Variants in SLC24A2 observed in about 807,000 individuals in gnomAD.
SLC24A2 encodes the protein solute carrier family 24 member 2, also known as sodium/potassium/calcium exchanger 2.
A neutral mutation model predicts 62.0 loss-of-function variants in SLC24A2; 36 were observed. The observed-to-expected ratio is 0.58, with a 90% CI of 0.44 to 0.77. The LOEUF (loss-of-function observed/expected upper bound fraction) is 0.77. Among genes scored for constraint, SLC24A2 ranks in the 30% least tolerant of loss-of-function variants. The pLI is 0.00. For missense variants in SLC24A2, 846 were observed against 817.9 expected, an observed-to-expected ratio of 1.03 and a Z score of -0.42; for synonymous variants, 358 against 294.0, an observed-to-expected ratio of 1.22 and a Z score of -2.23.
At chr9:19,736,491 T>C (rs999398) in intron 2 of SLC24A2, among the ~76,000 whole-genome samples, 106,138 of 151,954 alleles carry the variant, frequency 0.7, 37,339 homozygotes, top group East Asian at 0.83. Context: ...AGAAGTCTGG[T>C]TTAGCAATAC....
chr9:19,555,929 G>C (rs1835067254), intron 7 of SLC24A2, among the ~76,000 whole-genome samples: 1 of 152,128 alleles, frequency 6.6e-6, no homozygotes, highest in African/African-American at 2.4e-5. Flanking sequence ...TGGCAACACA[G>C]ACTCCATCTT....
the SLC24A2 span, among the ~76,000 whole-genome samples, chr9:19,847,601 A>G: frequency 1.3e-5 from 2 of 152,210 alleles, no homozygotes; most frequent in Non-Finnish European, 2.9e-5. Context: ...TAATAAATGC[A>G]TTACCAATAA....
Position 19,752,557 on chromosome 9 carries a change from G to A in SLC24A2, c.930+33380C>T, listed in dbSNP as rs570466392. ...GACCCTGGCCCAGCCCCTTGGGAGC[G>A]CCATCACACTTGGAAAACTCCTTAA... On this transcript the variant is annotated intron_variant, in intron 2 of 10. Transcript: ENST00000341998. Among the ~76,000 whole-genome samples, 10 of 106,736 alleles carry A rather than the reference G, an allele frequency of 9.4e-5. No homozygotes were observed. In the South Asian group the frequency reaches 2.7e-3, roughly 29 times the overall value. 70.0% of individuals were successfully genotyped at this position (106,736 alleles called of 152,430 possible). A position where few individuals can be genotyped will look rare whatever the true frequency, so the allele number is the denominator to read the frequency against.
the SLC24A2 span, among the ~76,000 whole-genome samples, chr9:20,115,758 T>C: frequency 6.6e-6 from 1 of 152,304 alleles, no homozygotes; most frequent in South Asian, 2.1e-4. Flanking sequence ...TTTTCTCCTG[T>C]TCCTGGATCA....
the SLC24A2 span, among the ~76,000 whole-genome samples, chr9:20,059,745 A>G: frequency 3.3e-5 from 5 of 152,110 alleles, no homozygotes; most frequent in African/African-American, 1.2e-4. Flanking sequence ...ACCTTAAAGA[A>G]CTAGAAGAAG....
chr9:19,669,472 C>A (rs531792092), intron 2 of SLC24A2, among the ~76,000 whole-genome samples: 2 of 152,312 alleles, frequency 1.3e-5, no homozygotes, highest in African/African-American at 4.8e-5. Flanking sequence ...CAATAAATAA[C>A]CACAAACTTA....
the SLC24A2 span, among the ~76,000 whole-genome samples, chr9:19,895,054 T>C: frequency 6.6e-6 from 1 of 152,206 alleles, no homozygotes; most frequent in Non-Finnish European, 1.5e-5. Context: ...GGTAAATTCA[T>C]AGTTATTTTA....
At chr9:19,534,935 C>G (rs1420150792) in intron 8 of SLC24A2, among the ~76,000 whole-genome samples, 1 of 152,202 alleles carries the variant, frequency 6.6e-6, no homozygotes, top group South Asian at 2.1e-4. Context: ...AATTGCCACA[C>G]TGTCTTCCAC....
At chr9:19,826,451 C>G in the SLC24A2 span, among the ~76,000 whole-genome samples, 2 of 152,018 alleles carry the variant, frequency 1.3e-5, no homozygotes. Context: ...TTGATTCATG[C>G]TGCCACAAAA....
the SLC24A2 span, among the ~76,000 whole-genome samples, chr9:19,845,947 A>G: frequency 6.6e-6 from 1 of 151,680 alleles, no homozygotes; most frequent in Non-Finnish European, 1.5e-5. Flanking sequence ...CTGTGGCCTG[A>G]GAATATGTTT....
the SLC24A2 span, among the ~76,000 whole-genome samples, chr9:20,275,467 C>T: frequency 6.6e-6 from 1 of 152,200 alleles, no homozygotes; most frequent in Non-Finnish European, 1.5e-5. Context: ...TCTACCTCTG[C>T]TCAGCTAGTC....
the SLC24A2 span, among the ~76,000 whole-genome samples, chr9:19,881,661 T>G: frequency 6.6e-6 from 1 of 152,218 alleles, no homozygotes; most frequent in Non-Finnish European, 1.5e-5. Flanking sequence ...TAGTGGAATG[T>G]TAGGCAACAT....
chr9:20,289,092 T>C, the SLC24A2 span, among the ~76,000 whole-genome samples: 2 of 152,190 alleles, frequency 1.3e-5, no homozygotes, highest in African/African-American at 4.8e-5. Context: ...AGGCAACCTG[T>C]CCCTACAGAG....
At chr9:19,959,537 A>G in the SLC24A2 span, among the ~76,000 whole-genome samples, 2 of 152,222 alleles carry the variant, frequency 1.3e-5, no homozygotes, top group Non-Finnish European at 2.9e-5. Flanking sequence ...CTCTTACTGT[A>G]TCACTGTAAA....
the SLC24A2 span, among the ~76,000 whole-genome samples, chr9:19,951,836 ATTTTAGAAT>A: frequency 3.3e-5 from 5 of 152,130 alleles, no homozygotes; most frequent in Non-Finnish European, 5.9e-5. Flanking sequence ...TTTGATATAA[ATTTTAGAAT>A]TTTCTCATCA....
At chr9:19,954,334 C>T in the SLC24A2 span, among the ~76,000 whole-genome samples, 3 of 151,930 alleles carry the variant, frequency 2.0e-5, no homozygotes, top group East Asian at 5.8e-4. Context: ...TAGCCAAAAA[C>T]CCAAGGCAAC....
the SLC24A2 span, among the ~76,000 whole-genome samples, chr9:20,153,900 A>AT: frequency 6.6e-6 from 1 of 151,894 alleles, no homozygotes; most frequent in East Asian, 1.9e-4. Context: ...TTTAATAAAT[A>AT]TTTTTGCTGG....
At chr9:20,072,814 C>T in the SLC24A2 span, among the ~76,000 whole-genome samples, 17 of 152,196 alleles carry the variant, frequency 1.1e-4, no homozygotes, top group South Asian at 3.5e-3. Context: ...GAAACAGATT[C>T]TCCCCTCACA....
At chr9:20,190,954 T>C in the SLC24A2 span, among the ~76,000 whole-genome samples, 3 of 152,200 alleles carry the variant, frequency 2.0e-5, no homozygotes, top group Non-Finnish European at 4.4e-5. Flanking sequence ...CTGTACACAA[T>C]TATTTTTCCA....
Sources: allele counts gnomAD v4.1 joint callset (sites outside exome capture counted in the v4.1 genomes callset), GRCh38; gene constraint gnomAD v4.1.1; transcripts MANE v1.5; gene names NCBI Gene and HGNC (gene_info 2026-07-23, HGNC 2026-07-21).